ZNF584: variants seen among roughly 807,000 people sequenced by gnomAD.
The protein encoded by ZNF584 is zinc finger protein 584.
Under a neutral mutation model 14.7 loss-of-function variants are expected in ZNF584, and 12 were observed. The observed-to-expected ratio is 0.82, with a 90% CI of 0.52 to 1.32. The LOEUF is 1.32. Among genes scored for constraint, ZNF584 ranks in the 40% most tolerant of loss-of-function variants. ZNF584 has a pLI of 0.00. For missense variants in ZNF584, 478 were observed against 518.8 expected (o/e 0.92, Z 0.76); for synonymous variants, 204 against 190.9 (o/e 1.07, Z -0.57).
rs1382065636 is a variant in ZNF584, at chr19:58,417,431, A to G, written c.913A>G (p.Lys305Glu). The change falls in exon 4 of 4, where the codon AAG becomes GAG. Residue 305 changes from lysine to glutamate, a missense_variant. This residue lies in a region of ZNF584 where 283 missense variants were observed against 317.3 expected (regional missense o/e 0.89). Transcript: ENST00000306910. Reference sequence around the variant, plus strand: ...GCCCTATGAGTGTACAGAATGTGGGAAGTTCTTTAAATACAATAATAGCTT... The same window carrying G: ...GCCCTATGAGTGTACAGAATGTGGGGAGTTCTTTAAATACAATAATAGCTT... The part of the protein sequence containing the change: ...ERPYECTECG[K>E]FFKYNNSFIL... The G allele has an allele frequency of 6.2e-7, 1 of 1,603,328 alleles. No individual in the cohort carries two copies. Among genetic ancestry groups the G allele is most frequent in the East Asian group, 2.2e-5 (1 of 44,644 alleles).
intron 2 of ZNF584, among the ~76,000 whole-genome samples, chr19:58,413,275 C>G (rs1341573017): frequency 6.6e-6 from 1 of 151,742 alleles, no homozygotes; most frequent in Non-Finnish European, 1.5e-5. Flanking sequence ...CCATAATGTT[C>G]CTGCTAAGCT....
At chr19:58,407,877 A>T (rs2052487695), upstream of ZNF584, among the ~76,000 whole-genome samples, 1 of 151,422 alleles carries the variant, frequency 6.6e-6, no homozygotes, top group African/African-American at 2.4e-5. Flanking sequence ...CCATGTACTC[A>T]CTCTCCTCTC....
chr19:58,412,273 A>C, intron 2 of ZNF584, among the ~76,000 whole-genome samples: 1 of 137,650 alleles, frequency 7.3e-6, no homozygotes, highest in Non-Finnish European at 1.5e-5. Flanking sequence ...GCAGTGGCGC[A>C]ATCTCGACTC....
In ZNF584 at chr19:58,409,166, G is replaced by A; in HGVS notation, c.18+1G>A. ...CGGTCCAATGGCCGGGGAGGCGGAG[G>A]TGAGCAGAGGATGCCTCCGAGGAAT... On this transcript the variant is annotated splice_donor_variant, in intron 1 of 3. Coordinates refer to ENST00000306910, the MANE Select transcript of ZNF584 (RefSeq NM_173548.3). LOFTEE classifies it high-confidence loss of function. The A allele has an allele frequency of 6.9e-7, 1 of 1,439,332 alleles. No homozygotes were observed. The highest frequency in any genetic ancestry group is 9.2e-7 in the Non-Finnish European group (1 of 1,088,442). The allele number at this position is 1,439,332 out of a possible 1,614,324, so 89.2% of individuals were successfully genotyped here.
intron 3 of ZNF584, chr19:58,416,137 CCCTCATCTCAGTTG>C: frequency 1.7e-6 from 1 of 575,730 alleles, no homozygotes; most frequent in Non-Finnish European, 3.0e-6. Flanking sequence ...CTATCTTGTG[CCCTCATCTCAGTTG>C]AGGTTTTCCT....
upstream of ZNF584, chr19:58,405,495 C>CCTCACTTCTCAGA: frequency 6.1e-6 from 1 of 164,416 alleles, no homozygotes. Context: ...CGGAGAGGCT[C>CCTCACTTCTCAGA]CTCACTTCTC....
upstream of ZNF584, chr19:58,405,180 C>A (rs572319789): frequency 0.055 from 8,121 of 148,008 alleles, 701 homozygotes; most frequent in African/African-American, 0.19. Context: ...CTGACCCCCC[C>A]ACCTCCCTCC....
At chr19:58,408,532 C>G (rs900382728), upstream of ZNF584, 1 of 152,436 alleles carries the variant, frequency 6.6e-6, no homozygotes, top group African/African-American at 2.4e-5. Flanking sequence ...AGGGCCCGCC[C>G]GAACGTTCCC....
chr19:58,403,826 G>A (rs10417092), upstream of ZNF584, among the ~76,000 whole-genome samples: 45,644 of 151,488 alleles, frequency 0.3, 7,292 homozygotes, highest in African/African-American at 0.42. Flanking sequence ...AAAATTAGCC[G>A]GGTGTGGTGG....
intron 1 of ZNF584, among the ~76,000 whole-genome samples, chr19:58,403,510 TGGGA>T (rs139851744): frequency 0.36 from 34,718 of 95,716 alleles, 4,727 homozygotes; most frequent in Admixed American, 0.45. Flanking sequence ...AGGGACTCAG[TGGGA>T]GGGAGGGAGG....
At position 58,410,605 on chromosome 19, in the gene ZNF584, ATATATATGTG is replaced by A. The variant is rs1273533990; in HGVS notation, c.169+542_169+551del. Among the ~76,000 whole-genome samples, 41 of 11,952 alleles carry A rather than the reference ATATATATGTG, an allele frequency of 3.4e-3. 2 individuals carry two copies. The highest frequency in any genetic ancestry group is 5.8e-3 in the South Asian group (3 of 514). The allele number at this position is 11,952 out of a possible 152,430, so 7.8% of individuals were successfully genotyped here. Reference sequence around the variant, plus strand: ...TATGTATATATATGTATATATATGTATATATATGTGTATATATGTGTATATATGTGTATAT... The same window carrying A: ...TATGTATATATATGTATATATATGTATATATATGTGTATATATGTGTATAT... On this transcript the variant is annotated intron_variant, in intron 2 of 3. Transcript: ENST00000306910.
At chr19:58,416,209 A>C in intron 3 of ZNF584, 1 of 352,416 alleles carries the variant, frequency 2.8e-6, no homozygotes, top group Middle Eastern at 8.3e-4. Flanking sequence ...AGGCTTTCCC[A>C]ACCCAGACCT....
chr19:58,417,886 C>A lies in ZNF584; in HGVS notation c.*102C>A. 7.1e-7 allele frequency: 1 copy of A among 1,416,868 alleles called. No homozygotes were observed. The allele number at this position is 1,416,868 out of a possible 1,614,324, so 87.8% of individuals were successfully genotyped here. Reference sequence around the variant, plus strand: ...AGCTAAACCTTGCACATCCCAACACCCACCCCAGGGAGAGTTCCCGTGTGT... The same window carrying A: ...AGCTAAACCTTGCACATCCCAACACACACCCCAGGGAGAGTTCCCGTGTGT... On this transcript the variant is annotated 3_prime_UTR_variant, in exon 4 of 4. Transcript: ENST00000306910.
rs755269880 is a variant in ZNF584 at position 58,410,025 on chromosome 19, A to C, written c.103A>C (p.Asn35His). The C allele has an allele frequency of 9.9e-6, 16 of 1,614,002 alleles. No individual in the cohort carries two copies. Among genetic ancestry groups the C allele is most frequent in the Non-Finnish European group, 1.3e-5 (15 of 1,179,996 alleles). The part of the protein sequence containing the change: ...YFSREEWGLL[N>H]VTQKGLYRDV... Reference sequence around the variant, plus strand: ...CTCCAGGGAGGAGTGGGGGCTCCTTAATGTGACCCAGAAGGGCCTATACCG... The same window carrying C: ...CTCCAGGGAGGAGTGGGGGCTCCTTCATGTGACCCAGAAGGGCCTATACCG... The change falls in exon 2 of 4, where the codon AAT becomes CAT. Residue 35 changes from asparagine (N) to histidine (H), a missense_variant. Around this residue, in one of 3 missense-constraint regions of ZNF584, gnomAD observed 189 missense variants for 177.9 expected, o/e 1.06. Transcript: ENST00000306910.
chr19:58,415,571 G>T lies in ZNF584; in HGVS notation c.217G>T (p.Glu73Ter). The T allele has an allele frequency of 2.5e-6, 4 of 1,614,082 alleles. No individual in the cohort carries two copies. The South Asian group carries it at 4.4e-5, about 18-fold the overall frequency. The change falls in exon 3 of 4, where the codon GAA (glutamate) becomes TAA (stop). Residue 73 changes from glutamate to a stop codon, truncating the protein, a stop_gained. Coordinates refer to ENST00000306910, the MANE Select transcript of ZNF584 (RefSeq NM_173548.3). LOFTEE classifies it high-confidence loss of function. ...TGTGTTTACCCAGCTGGAGGATGAT[G>T]AACAGTCGTGGGTGCCCAGCTGGGT... ...SPVFTQLEDD[E>*]QSWVPSWVDV...
chr19:58,415,782 A>T, intron 3 of ZNF584, 136 bp downstream of exon 3: 2 of 1,610,634 alleles, frequency 1.2e-6, no homozygotes, highest in South Asian at 1.1e-5. Context: ...TCTTATGTGG[A>T]CACTGTGCAG....
intron 2 of ZNF584, among the ~76,000 whole-genome samples, chr19:58,411,700 G>C (rs984315199): frequency 6.6e-5 from 10 of 151,334 alleles, no homozygotes; most frequent in Admixed American, 2.0e-4. Context: ...CTGGAGTGCA[G>C]TGGCGCGATC....
intron 2 of ZNF584, among the ~76,000 whole-genome samples, chr19:58,413,797 C>A (rs1167351379): frequency 6.6e-6 from 1 of 151,584 alleles, no homozygotes; most frequent in African/African-American, 2.4e-5. Context: ...CACCACCCGG[C>A]CTGTTGTATT....
chr19:58,414,323 T>C (rs1426507323), intron 2 of ZNF584, among the ~76,000 whole-genome samples: 2 of 152,204 alleles, frequency 1.3e-5, no homozygotes, highest in East Asian at 3.9e-4. Context: ...TGAAATCTAC[T>C]GAGGCTTGCT....
Sources: gnomAD v4.1 joint callset for allele counts (sites outside exome capture counted in the v4.1 genomes callset) on GRCh38, gnomAD v4.1.1 for gene constraint, gnomAD v4.1.1 regional missense constraint, MANE v1.5 for transcripts, NCBI Gene and HGNC (gene_info 2026-07-23, HGNC 2026-07-21) for gene names.